CACNA1E: variants seen among roughly 807,000 people sequenced by gnomAD.
CACNA1E encodes voltage-dependent R-type calcium channel subunit alpha-1E.
Under a neutral mutation model 259.2 loss-of-function variants are expected in CACNA1E, and 40 were observed. That is an observed-to-expected ratio of 0.15 (90% CI 0.12 to 0.20). CACNA1E has a LOEUF of 0.20. CACNA1E is among the 10% of genes least tolerant of loss of function. The pLI, the probability that CACNA1E is intolerant of heterozygous loss-of-function variation, is 1.00. For missense variants in CACNA1E, 1,874 were observed against 3,040.1 expected (o/e 0.62, Z 9.02); for synonymous variants, 1,104 against 1,138.5 (o/e 0.97, Z 0.61).
chr1:181,504,001 C>A (rs541864608), intron 1 of CACNA1E, among the ~76,000 whole-genome samples: 3 of 152,330 alleles, frequency 2.0e-5, no homozygotes, highest in Non-Finnish European at 4.4e-5. Context: ...AATAGGGAAT[C>A]ACAGACTAGT....
intron 6 of CACNA1E, among the ~76,000 whole-genome samples, chr1:181,589,932 A>G (rs996143741): frequency 5.3e-5 from 8 of 152,170 alleles, no homozygotes; most frequent in African/African-American, 1.9e-4. Context: ...AGGCTCAGAA[A>G]CTGACTTGAA....
intron 3 of CACNA1E, among the ~76,000 whole-genome samples, chr1:181,538,546 C>T (rs529715145): frequency 6.6e-5 from 10 of 152,256 alleles, no homozygotes; most frequent in African/African-American, 2.2e-4. Context: ...CTGTGCCTTC[C>T]TGGGACCCAT....
chr1:181,361,577 T>C (rs1281272242), intron 1 of CACNA1E, among the ~76,000 whole-genome samples: 1 of 152,182 alleles, frequency 6.6e-6, no homozygotes, highest in African/African-American at 2.4e-5. Context: ...GGCCTTTTCA[T>C]GCCCCCATAG....
chr1:181,349,784 G>A (rs910471416), intron 1 of CACNA1E, among the ~76,000 whole-genome samples: 4 of 152,126 alleles, frequency 2.6e-5, no homozygotes, highest in Non-Finnish European at 5.9e-5. Context: ...GGCTGTGTGT[G>A]TGTATAGGGG....
Position 181,484,233 on chromosome 1 carries a change from A to G in CACNA1E, c.266+223A>G, listed in dbSNP as rs140913004. On this transcript the variant is annotated intron_variant, in intron 1 of 47. Transcript: ENST00000367573. ...AGACTTTTGGTTTTTTATTTTTCCTATGTGGAAATCTTTAGTGTCCCTGGG... is the reference window on the plus strand; with the variant it reads ...AGACTTTTGGTTTTTTATTTTTCCTGTGTGGAAATCTTTAGTGTCCCTGGG... Among the ~76,000 whole-genome samples, 12 of 152,012 alleles carry G rather than the reference A, an allele frequency of 7.9e-5. No homozygotes were observed. The East Asian group carries it at 1.9e-3, about 25-fold the overall frequency.
At chr1:181,320,578 A>G (rs1477187040) in intron 1 of CACNA1E, among the ~76,000 whole-genome samples, 1 of 152,226 alleles carries the variant, frequency 6.6e-6, no homozygotes, top group Non-Finnish European at 1.5e-5. Flanking sequence ...ATGCTCAGAA[A>G]AGTTAACTAA....
At chr1:181,357,064 G>A (rs1653504601) in intron 1 of CACNA1E, among the ~76,000 whole-genome samples, 1 of 152,048 alleles carries the variant, frequency 6.6e-6, no homozygotes, top group South Asian at 2.1e-4. Flanking sequence ...TTTTAGCAGC[G>A]AATGTGATTG....
At chr1:181,470,110 CGA>C (rs907619662) in intron 2 of CACNA1E, among the ~76,000 whole-genome samples, 2 of 151,512 alleles carry the variant, frequency 1.3e-5, no homozygotes, top group East Asian at 1.9e-4. Context: ...AGCAAGAAAG[CGA>C]GAGAGAGAGC....
At chr1:181,406,451 A>G (rs1657469066) in intron 1 of CACNA1E, among the ~76,000 whole-genome samples, 1 of 151,486 alleles carries the variant, frequency 6.6e-6, no homozygotes, top group South Asian at 2.1e-4. Flanking sequence ...GGCTGGAGTG[A>G]AGTGGCGCGA....
At chr1:181,756,604 T>G (rs547071038) in intron 29 of CACNA1E, among the ~76,000 whole-genome samples, 1 of 152,286 alleles carries the variant, frequency 6.6e-6, no homozygotes, top group Admixed American at 6.5e-5. Flanking sequence ...AAGACACCAC[T>G]CTCTAGTGGC....
chr1:181,510,534 G>A lies in CACNA1E; in HGVS notation c.324G>A (p.Leu108=), dbSNP rs753350389. ...TTGCCAACTGCATCGTCCTGGCCCTGGAGCAGCATCTTCCTGAGGATGACA... is the reference window on the plus strand; with the variant it reads ...TTGCCAACTGCATCGTCCTGGCCCTAGAGCAGCATCTTCCTGAGGATGACA... The part of the protein sequence containing the change: ...TIIANCIVLA[L]EQHLPEDDKT... Residue 108 remains leucine, a synonymous_variant, in exon 2 of 48, where the codon CTG becomes CTA. Transcript: ENST00000367573. 1.2e-5 allele frequency: 20 copies of A among 1,613,798 alleles called. No homozygotes were observed. The highest frequency in any genetic ancestry group is 3.3e-5 in the Admixed American group (2 of 60,006).
rs1483390523 is a variant in CACNA1E, at chr1:181,758,957, T to C, written c.4605+89T>C. ...TTGTTGAAGGGGAGGTGGTTACTGC[T>C]ATTCCAGAAATCACCCACCTAGATG... On this transcript the variant is annotated intron_variant, in intron 32 of 47. Coordinates refer to ENST00000367573, the MANE Select transcript of CACNA1E (RefSeq NM_001205293.3). This position sits in a 1 kb window ranked among gnomAD's most constrained non-coding sequence, Gnocchi z 4.2. 1.3e-6 allele frequency: 1 copy of C among 747,576 alleles called. No homozygotes were observed. Among genetic ancestry groups the C allele is most frequent in the Non-Finnish European group, 2.3e-6 (1 of 429,970 alleles). 46.3% of individuals were successfully genotyped at this position (747,576 alleles called of 1,614,324 possible).
intron 1 of CACNA1E, among the ~76,000 whole-genome samples, chr1:181,341,031 C>T (rs1157179358): frequency 1.3e-5 from 2 of 152,172 alleles, no homozygotes; most frequent in Non-Finnish European, 2.9e-5. Context: ...TGAGATCACA[C>T]AGGTAAGGAG....
chr1:181,712,782 C>T (rs1439764133), intron 8 of CACNA1E, among the ~76,000 whole-genome samples: 1 of 152,068 alleles, frequency 6.6e-6, no homozygotes, highest in African/African-American at 2.4e-5. Context: ...CTGTCCTTGG[C>T]TTTCTCGGCG....
intron 1 of CACNA1E, among the ~76,000 whole-genome samples, chr1:181,379,330 T>A (rs1488937050): frequency 6.6e-6 from 1 of 152,130 alleles, no homozygotes; most frequent in Non-Finnish European, 1.5e-5. Flanking sequence ...CCAAATTTAA[T>A]GAAAACTATA....
At chr1:181,633,145 G>A (rs780656439) in intron 6 of CACNA1E, among the ~76,000 whole-genome samples, 7 of 152,086 alleles carry the variant, frequency 4.6e-5, no homozygotes, top group Non-Finnish European at 8.8e-5. Flanking sequence ...AGGCTGACTC[G>A]CACCACCAGA....
At chr1:181,414,125 C>T (rs1193896212) in intron 2 of CACNA1E, among the ~76,000 whole-genome samples, 1 of 152,128 alleles carries the variant, frequency 6.6e-6, no homozygotes, top group East Asian at 1.9e-4. Flanking sequence ...TAATTCACAC[C>T]TGTTGAGAAT....
intron 25 of CACNA1E, among the ~76,000 whole-genome samples, chr1:181,749,702 T>C (rs1657416581): frequency 6.6e-6 from 1 of 152,234 alleles, no homozygotes; most frequent in Admixed American, 6.5e-5. Flanking sequence ...TTAGAAGTTG[T>C]CATTATTTCT....
At chr1:181,572,070 C>G (rs538005206) in intron 3 of CACNA1E, among the ~76,000 whole-genome samples, 11 of 152,296 alleles carry the variant, frequency 7.2e-5, no homozygotes, top group Middle Eastern at 3.4e-3. Context: ...AACTGGGTGT[C>G]CTGCATTTTG....
Sources: allele counts gnomAD v4.1 joint callset (sites outside exome capture counted in the v4.1 genomes callset), GRCh38; gene constraint gnomAD v4.1.1; non-coding constraint Gnocchi (gnomAD v3.1); transcripts MANE v1.5; gene names NCBI Gene and HGNC (gene_info 2026-07-23, HGNC 2026-07-21).